Variants in MARS1 observed in about 807,000 individuals in gnomAD.
The protein encoded by MARS1 is methionine--tRNA ligase, cytoplasmic.
In MARS1, 80 loss-of-function variants were observed where a neutral mutation model predicts 119.5. The observed-to-expected ratio is 0.67, with a 90% CI of 0.56 to 0.81. The LOEUF is 0.81. MARS1 is among the 30% of genes least tolerant of loss of function. The probability of loss-of-function intolerance (pLI) is 0.00; values close to 1 mark genes in which losing one functional copy is unlikely to be tolerated. For missense variants in MARS1, 945 were observed against 1,116.5 expected (o/e 0.85, Z 2.19); for synonymous variants, 418 against 433.4 (o/e 0.96, Z 0.44).
chr12:57,502,730 C>CAAAAAAAA (rs1416789485), intron 10 of MARS1, among the ~76,000 whole-genome samples: 1 of 125,676 alleles, frequency 8.0e-6, no homozygotes. Flanking sequence ...AAAGCAACAA[C>CAAAAAAAA]AACAAAAAAA....
At chr12:57,500,101 T>C (rs1384744626) in intron 9 of MARS1, 3 of 560,784 alleles carry the variant, frequency 5.3e-6, no homozygotes, top group African/African-American at 1.9e-5. Context: ...AATTCTAAAG[T>C]GTTGAGGGGA....
intron 10 of MARS1, among the ~76,000 whole-genome samples, chr12:57,502,861 A>G (rs1876994533): frequency 6.6e-6 from 1 of 151,838 alleles, no homozygotes; most frequent in South Asian, 2.1e-4. Context: ...CTCCATCTCT[A>G]CTAAAAATAC....
intron 11 of MARS1, among the ~76,000 whole-genome samples, chr12:57,508,357 C>T (rs1484637946): frequency 6.6e-6 from 1 of 152,256 alleles, no homozygotes; most frequent in Non-Finnish European, 1.5e-5. Flanking sequence ...CCACTGCACT[C>T]CAGCCTGGGC....
At chr12:57,508,995 ACT>A (rs1877381243) in intron 11 of MARS1, among the ~76,000 whole-genome samples, 1 of 150,660 alleles carries the variant, frequency 6.6e-6, no homozygotes, top group South Asian at 2.1e-4. Context: ...CTCTACCACT[ACT>A]CTCTATATTT....
At chr12:57,510,467 C>A (rs930328382) in intron 11 of MARS1, among the ~76,000 whole-genome samples, 6 of 151,672 alleles carry the variant, frequency 4.0e-5, no homozygotes, top group Admixed American at 6.6e-5. Context: ...AGCAAGACTC[C>A]AGCTCAAAAA....
intron 7 of MARS1, among the ~76,000 whole-genome samples, chr12:57,495,622 C>T (rs1478761145): frequency 6.6e-6 from 1 of 152,208 alleles, no homozygotes; most frequent in Non-Finnish European, 1.5e-5. Context: ...AGGCTGCAAT[C>T]TTGGCACTTT....
intron 10 of MARS1, 102 bp downstream of exon 10, chr12:57,500,624 C>T (rs1876876445): frequency 8.8e-7 from 1 of 1,133,474 alleles, no homozygotes; most frequent in Non-Finnish European, 1.3e-6. Flanking sequence ...CATTCTAGAC[C>T]TTTAACCAGT....
intron 7 of MARS1, among the ~76,000 whole-genome samples, chr12:57,493,807 A>ATCAT (rs1565641183): frequency 2.2e-3 from 4 of 1,824 alleles, no homozygotes; most frequent in Non-Finnish European, 5.1e-3. Context: ...TATATTATAT[A>ATCAT]ATGTATATTA....
intron 10 of MARS1, among the ~76,000 whole-genome samples, chr12:57,501,707 C>T (rs894311494): frequency 4.6e-5 from 7 of 152,014 alleles, no homozygotes; most frequent in South Asian, 2.1e-4. Context: ...CTGTAATCCC[C>T]GCTTCTTGGG....
rs549168413 is a variant in MARS1, at chr12:57,501,926, C to T, written c.1293+1404C>T. Among the ~76,000 whole-genome samples, 13 of 151,626 alleles carry T rather than the reference C, an allele frequency of 8.6e-5. No individual in the cohort carries two copies. The East Asian group carries it at 1.7e-3, about 20-fold the overall frequency. On this transcript the variant is annotated intron_variant, in intron 10 of 20. Coordinates refer to ENST00000262027, the MANE Select transcript of MARS1 (RefSeq NM_004990.4). ...AGAAGAATTTCTTGAACCTGGGAAG[C>T]GGAGGTTGCAGTGAGCCAAGATTGC... is the stretch of plus-strand genomic sequence containing the variant.
chr12:57,505,593 T>G (rs1270236647), intron 11 of MARS1, among the ~76,000 whole-genome samples: 1 of 152,026 alleles, frequency 6.6e-6, no homozygotes, highest in Non-Finnish European at 1.5e-5. Context: ...GGAGGATCTC[T>G]TGATGCCAGG....
At chr12:57,510,428 G>A (rs1355784091) in intron 11 of MARS1, among the ~76,000 whole-genome samples, 2 of 151,290 alleles carry the variant, frequency 1.3e-5, no homozygotes, top group Admixed American at 6.6e-5. Context: ...AGCTGAGATC[G>A]TGCCACTGCA....
intron 13 of MARS1, 41 bp downstream of exon 13, chr12:57,512,144 C>A (rs766761732): frequency 6.2e-7 from 1 of 1,604,150 alleles, no homozygotes; most frequent in Non-Finnish European, 8.5e-7. Context: ...GGAGGGTAGG[C>A]GGTAGGGTGT....
At chr12:57,501,863 C>T (rs751836347) in intron 10 of MARS1, among the ~76,000 whole-genome samples, 10 of 150,868 alleles carry the variant, frequency 6.6e-5, no homozygotes, top group Middle Eastern at 7.1e-3. Context: ...GCCGTGGTGG[C>T]GCACACCTGT....
chr12:57,512,632 A>G, intron 14 of MARS1, 119 bp from the exon 15 acceptor site: 9 of 834,576 alleles, frequency 1.1e-5, no homozygotes, highest in Non-Finnish European at 5.8e-6. Flanking sequence ...CCTTAAGGAG[A>G]AATGTTGCTA....
Position 57,514,812 on chromosome 12 carries a change from T to C in MARS1, c.2060T>C (p.Leu687Pro). 6.2e-7 allele frequency: 1 copy of C among 1,614,204 alleles called. No homozygotes were observed. The highest frequency in any genetic ancestry group is 1.1e-5 in the South Asian group (1 of 91,082). ...DDQRLLAHVT[L>P]ELQHYHQLLE... The stretch of plus-strand genomic sequence containing the variant: ...CAGCGCCTGCTGGCCCATGTCACCC[T>C]GGAGCTCCAGCACTATCACCAGCTA... The change falls in exon 16 of 21, where the codon CTG (leucine) becomes CCG (proline). Residue 687 changes from leucine to proline, a missense_variant. Coordinates refer to ENST00000262027, the MANE Select transcript of MARS1 (RefSeq NM_004990.4).
rs1877548133 is a variant in MARS1 at position 57,512,066 on chromosome 12, C to T, written c.1598C>T (p.Thr533Ile). Residue 533 changes from threonine (T) to isoleucine (I), a missense_variant, in exon 13 of 21, where the codon ACA becomes ATA. Physicochemically the swap from Thr to Ile is moderately conservative, Grantham distance 89. Coordinates refer to ENST00000262027, the MANE Select transcript of MARS1 (RefSeq NM_004990.4). ...TATCTGTCCATCACAGCCAACTACACAGACCAGTGGGAGAGATGGTGGAAG... is the reference window on the plus strand; with the variant it reads ...TATCTGTCCATCACAGCCAACTACATAGACCAGTGGGAGAGATGGTGGAAG... ...IGYLSITANY[T>I]DQWERWWKNP... 6.2e-7 allele frequency: 1 copy of T among 1,614,054 alleles called. No individual in the cohort carries two copies. The highest frequency in any genetic ancestry group is 8.5e-7 in the Non-Finnish European group (1 of 1,180,038).
At chr12:57,489,844 A>G in intron 4 of MARS1, 52 bp from the exon 5 acceptor site, 8 of 1,506,362 alleles carry the variant, frequency 5.3e-6, no homozygotes, top group Non-Finnish European at 7.4e-6. Flanking sequence ...ACCATTGGGA[A>G]GAAACTGAGT....
At chr12:57,507,957 G>A (rs1235266315) in intron 11 of MARS1, among the ~76,000 whole-genome samples, 22 of 151,552 alleles carry the variant, frequency 1.5e-4, no homozygotes, top group African/African-American at 3.1e-4. Flanking sequence ...GGCGGCTGCC[G>A]GGCGGAGGGT....
Sources: allele counts gnomAD v4.1 joint callset (sites outside exome capture counted in the v4.1 genomes callset), GRCh38; gene constraint gnomAD v4.1.1; transcripts MANE v1.5; gene names NCBI Gene and HGNC (gene_info 2026-07-23, HGNC 2026-07-21).